GSE1: variants seen among roughly 807,000 people sequenced by gnomAD.
GSE1 encodes the protein Gse1 coiled-coil protein, also known as genetic suppressor element 1.
Under a neutral mutation model 112.6 loss-of-function variants are expected in GSE1, and 32 were observed. That is an observed-to-expected ratio of 0.28 (90% CI 0.21 to 0.38). The LOEUF (loss-of-function observed/expected upper bound fraction) is 0.38, where lower values mean the gene tolerates loss of function less well. Ranked by LOEUF, GSE1 falls within the 10% of genes least tolerant of loss-of-function variation. The pLI, the probability that GSE1 is intolerant of heterozygous loss-of-function variation, is 1.00. For missense variants in GSE1, 2,348 were observed against 1,699.2 expected (o/e 1.38, Z -6.71); for synonymous variants, 1,115 against 735.6 (o/e 1.52, Z -8.35).
intron 1 of GSE1, among the ~76,000 whole-genome samples, chr16:85,339,186 T>C (rs1178621821): frequency 6.6e-6 from 1 of 152,180 alleles, no homozygotes; most frequent in Non-Finnish European, 1.5e-5. Context: ...CCCGTAGTAG[T>C]TCTCATGGCT....
intron 3 of GSE1, among the ~76,000 whole-genome samples, chr16:85,650,531 G>A (rs550116343): frequency 2.6e-5 from 4 of 152,178 alleles, no homozygotes; most frequent in Admixed American, 6.5e-5. Flanking sequence ...CGCCTTTTCC[G>A]GCGACTCCTC....
Position 85,675,098 on chromosome 16 carries a change from G to C in GSE1, c.*2559G>C, listed in dbSNP as rs1185819888. ...AACTTACTTTCAGATTATTCTCAAA[G>C]AACACAGTAGCACCTAAATCTGTTT... On this transcript the variant is annotated 3_prime_UTR_variant, in exon 16 of 16. Coordinates refer to ENST00000253458, the MANE Select transcript of GSE1 (RefSeq NM_014615.5). 6.6e-6 allele frequency: 1 copy of C among 152,200 alleles called. No homozygotes were observed. The highest frequency in any genetic ancestry group is 1.9e-4 in the East Asian group (1 of 5,202). 9.4% of individuals were successfully genotyped at this position (152,200 alleles called of 1,614,324 possible).
rs187010969 is a variant in GSE1 at position 85,327,957 on chromosome 16, C to A, written c.2284-29506C>A. ...TCATCCTTGCCCTGGTGCCCCCCAC[C>A]CCCAGATCGCCTGGTACAGATCCCT... On this transcript the variant is annotated intron_variant, in intron 1 of 2. Coordinates refer to the GSE1 transcript ENST00000637419. Among the ~76,000 whole-genome samples the A allele has an allele frequency of 3.0e-3, 464 of 152,272 alleles. 1 individual carries two copies. Among genetic ancestry groups the A allele is most frequent in the Non-Finnish European group, 5.5e-3 (372 of 68,010 alleles).
At chr16:85,438,382 C>T (rs573922822) in intron 2 of GSE1, among the ~76,000 whole-genome samples, 4 of 152,236 alleles carry the variant, frequency 2.6e-5, no homozygotes, top group African/African-American at 7.2e-5. Context: ...GGCGGAGGGG[C>T]GCACCCCGCT....
intron 1 of GSE1, chr16:85,306,420 G>C (rs2045680864): frequency 6.5e-6 from 1 of 153,016 alleles, no homozygotes; most frequent in South Asian, 2.1e-4. Flanking sequence ...CATGGTCGTT[G>C]CTTCTGTTGT....
chr16:85,652,777 G>A (rs953677148), intron 3 of GSE1, among the ~76,000 whole-genome samples: 1 of 152,174 alleles, frequency 6.6e-6, no homozygotes, highest in Admixed American at 6.5e-5. Context: ...CCACGGTGGG[G>A]CAGGTCTCAG....
chr16:85,191,305 A>T (rs1179388973), intron 1 of GSE1, among the ~76,000 whole-genome samples: 1 of 152,182 alleles, frequency 6.6e-6, no homozygotes, highest in Admixed American at 6.5e-5. Context: ...TATATATATA[A>T]AATATTGCAG....
intron 5 of GSE1, among the ~76,000 whole-genome samples, chr16:85,655,418 C>T (rs776673958): frequency 1.3e-5 from 2 of 152,200 alleles, no homozygotes; most frequent in African/African-American, 2.4e-5. Context: ...TGGACCACCC[C>T]ACGTCAGGGC....
rs1567675843 is a variant in GSE1 at position 85,304,608 on chromosome 16, G to GA, written c.2284-52855_2284-52854insA. On this transcript the variant is annotated intron_variant, in intron 1 of 2. Coordinates refer to the GSE1 transcript ENST00000637419. ...CAGCTGCCAAGCCGGGGGCGGGGGG[G>GA]TGGGGCATCCCTTTTGCCTTGAGTC... 5.9e-4 allele frequency among the ~76,000 whole-genome samples: 78 copies of GA among 132,228 alleles called. 1 individual carries two copies. Among genetic ancestry groups the GA allele is most frequent in the African/African-American group, 2.0e-3 (75 of 37,876 alleles). The allele number at this position is 132,228 out of a possible 152,430, so 86.7% of individuals were successfully genotyped here. A position where few individuals can be genotyped will look rare whatever the true frequency, so the allele number is the denominator to read the frequency against.
chr16:85,297,604 A>T (rs1241309591), intron 1 of GSE1, among the ~76,000 whole-genome samples: 2 of 151,928 alleles, frequency 1.3e-5, no homozygotes, highest in Non-Finnish European at 2.9e-5. Flanking sequence ...GGCTCATGTG[A>T]TCCTCCAGTC....
At chr16:85,464,134 C>G (rs1034145003) in intron 2 of GSE1, among the ~76,000 whole-genome samples, 9 of 152,216 alleles carry the variant, frequency 5.9e-5, no homozygotes, top group African/African-American at 2.2e-4. Flanking sequence ...CCGCCCACCC[C>G]TCCTCTCTCT....
chr16:85,375,175 G>A (rs1597524482), intron 2 of GSE1, among the ~76,000 whole-genome samples: 1 of 152,152 alleles, frequency 6.6e-6, no homozygotes, highest in Non-Finnish European at 1.5e-5. Flanking sequence ...CAGGCTGTGC[G>A]AGCTGCCGGC....
At chr16:85,310,178 G>T (rs1597362005) in intron 1 of GSE1, among the ~76,000 whole-genome samples, 1 of 152,220 alleles carries the variant, frequency 6.6e-6, no homozygotes, top group Middle Eastern at 3.4e-3. Flanking sequence ...TGCTCCCGCT[G>T]GCGCCCCCAC....
intron 1 of GSE1, among the ~76,000 whole-genome samples, chr16:85,201,660 AAAC>A (rs1420418185): frequency 1.8e-4 from 28 of 151,870 alleles, no homozygotes; most frequent in African/African-American, 4.1e-4. Context: ...TCAAAAAAAA[AAAC>A]AACAACAAAA....
chr16:85,314,797 C>A (rs758939094), intron 1 of GSE1, among the ~76,000 whole-genome samples: 23 of 152,200 alleles, frequency 1.5e-4, no homozygotes, highest in Non-Finnish European at 2.5e-4. Flanking sequence ...GGGGCAGGCC[C>A]AGGAGAGGTC....
chr16:85,501,934 C>T (rs753253535), intron 2 of GSE1, among the ~76,000 whole-genome samples: 4 of 152,216 alleles, frequency 2.6e-5, no homozygotes, highest in Non-Finnish European at 5.9e-5. Flanking sequence ...GCAGAGCTGT[C>T]ATCTAAGAAT....
At chr16:85,654,140 A>T (rs2151917095) in intron 3 of GSE1, 138 bp from the exon 4 acceptor site, 2 of 769,988 alleles carry the variant, frequency 2.6e-6, no homozygotes, top group Middle Eastern at 3.8e-4. Context: ...TGTTTTGCGT[A>T]GAAAGCCTTA....
At chr16:85,638,143 G>A (rs991816598) in intron 2 of GSE1, among the ~76,000 whole-genome samples, 1 of 152,172 alleles carries the variant, frequency 6.6e-6, no homozygotes, top group Non-Finnish European at 1.5e-5. Flanking sequence ...CTCGGTTTTC[G>A]CCATCTGACT....
intron 1 of GSE1, among the ~76,000 whole-genome samples, chr16:85,243,449 A>T (rs1308001231): frequency 2.6e-5 from 4 of 152,234 alleles, no homozygotes; most frequent in Non-Finnish European, 2.9e-5. Flanking sequence ...TGTCCCTGGC[A>T]TCCCGGCCTG....
Sources: gnomAD v4.1 joint callset for allele counts (sites outside exome capture counted in the v4.1 genomes callset) on GRCh38, gnomAD v4.1.1 for gene constraint, MANE v1.5 for transcripts, NCBI Gene and HGNC (gene_info 2026-07-23, HGNC 2026-07-21) for gene names.